The following CARNMT1 variants were observed in gnomAD, a reference collection of about 807,000 sequenced individuals.
CARNMT1 encodes carnosine N-methyltransferase 1, also known as protein-L-histidine N-pros-methyltransferase CARNMT1.
Under a neutral mutation model 49.6 loss-of-function variants are expected in CARNMT1, and 28 were observed. The observed-to-expected ratio is 0.56, with a 90% CI of 0.42 to 0.77. The LOEUF is 0.77. CARNMT1 is among the 30% of genes least tolerant of loss of function. The pLI is 0.00. For missense variants in CARNMT1, 421 were observed against 512.6 expected (o/e 0.82, Z 1.73); for synonymous variants, 178 against 175.0 (o/e 1.02, Z -0.13).
At chr9:74,990,143 C>T (rs137928223) in intron 6 of CARNMT1, among the ~76,000 whole-genome samples, 11 of 152,182 alleles carry the variant, frequency 7.2e-5, no homozygotes, top group African/African-American at 2.4e-4. Context: ...GGGATCCCCC[C>T]GCAAAGCTGA....
chr9:75,001,276 G>A (rs1833345123), intron 3 of CARNMT1, among the ~76,000 whole-genome samples: 1 of 152,124 alleles, frequency 6.6e-6, no homozygotes, highest in African/African-American at 2.4e-5. Context: ...CCATGCAGGA[G>A]TTAGAAATTA....
At position 75,017,434 on chromosome 9, in the gene CARNMT1, T is replaced by C. The variant is rs1192291601; in HGVS notation, c.245A>G (p.Glu82Gly). The change falls in exon 2 of 8, where the codon GAG becomes GGG. Residue 82 changes from glutamate (E) to glycine (G), a missense_variant. This residue lies in a region of CARNMT1 where 186 missense variants were observed against 167.9 expected (regional missense o/e 1.11). Transcript: ENST00000376834. ...CTGTCTTTCTGTTCGGTTCACCCGCTCATGCATACTGGTGCTAAAACATAA... is the reference window on the plus strand; with the variant it reads ...CTGTCTTTCTGTTCGGTTCACCCGCCCATGCATACTGGTGCTAAAACATAA... ...AFRYYGTSMH[E>G]RVNRTERQFR... is the part of the protein sequence containing the mutation. 14 of 1,613,794 alleles carry C rather than the reference T, an allele frequency of 8.7e-6. 1 individual carries two copies. The highest frequency in any genetic ancestry group is 1.1e-5 in the Non-Finnish European group (13 of 1,179,878).
chr9:75,016,644 A>G, intron 2 of CARNMT1: 1 of 515,552 alleles, frequency 1.9e-6, no homozygotes, highest in South Asian at 2.9e-5. Flanking sequence ...TCCATTAATC[A>G]TAAAACCACC....
At chr9:74,994,116 T>TGCTCTCATTCAC (rs1833117466) in intron 6 of CARNMT1, among the ~76,000 whole-genome samples, 1 of 152,186 alleles carries the variant, frequency 6.6e-6, no homozygotes, top group East Asian at 1.9e-4. Context: ...AGCTCACTCA[T>TGCTCTCATTCAC]GCTCTCATTC....
At chr9:74,984,524 A>G (rs1440656421) in intron 7 of CARNMT1, among the ~76,000 whole-genome samples, 1 of 152,224 alleles carries the variant, frequency 6.6e-6, no homozygotes, top group African/African-American at 2.4e-5. Context: ...AAATGTTTTG[A>G]GCGCCTACAT....
rs781115869 is a variant in CARNMT1, at chr9:74,998,747, T to A, written c.761A>T (p.Tyr254Phe). The A allele has an allele frequency of 2.4e-5, 37 of 1,559,340 alleles. No homozygotes were observed. Among genetic ancestry groups the A allele is most frequent in the Non-Finnish European group, 3.2e-5 (37 of 1,151,898 alleles). The change falls in exon 5 of 8, where the codon TAT becomes TTT. Residue 254 changes from tyrosine (Y) to phenylalanine (F), a missense_variant. By Grantham distance (22) the Tyr-to-Phe change is conservative (BLOSUM62 3). Transcript: ENST00000376834. The stretch of plus-strand genomic sequence containing the variant: ...ATTGCTAAACTGATGGATCCAAGGA[T>A]AAAGTTTATATTTATTAATTTCAGA... ...RCSEINKYKL[Y>F]PWIHQFSNNR...
chr9:75,009,401 A>AT (rs946517677), intron 3 of CARNMT1, among the ~76,000 whole-genome samples: 10 of 149,028 alleles, frequency 6.7e-5, no homozygotes, highest in Non-Finnish European at 1.3e-4. Context: ...CAACCCAAGT[A>AT]TTTTTTTTTT....
chr9:75,016,602 G>C, intron 2 of CARNMT1, 171 bp from the exon 3 acceptor site: 1 of 593,692 alleles, frequency 1.7e-6, no homozygotes, highest in East Asian at 2.8e-5. Context: ...AAAGAGTTTG[G>C]TGGTCTCACT....
intron 6 of CARNMT1, among the ~76,000 whole-genome samples, chr9:74,992,296 T>G (rs1833049973): frequency 6.6e-6 from 1 of 151,864 alleles, no homozygotes; most frequent in Admixed American, 6.6e-5. Context: ...AAAAAAATTC[T>G]GTAGCTTCAT....
At chr9:75,008,557 C>T (rs1459461474) in intron 3 of CARNMT1, among the ~76,000 whole-genome samples, 2 of 152,158 alleles carry the variant, frequency 1.3e-5, no homozygotes, top group African/African-American at 4.8e-5. Flanking sequence ...CCACCTGCCT[C>T]GGCCCCCCAA....
Position 74,983,739 on chromosome 9 carries a change from T to G in CARNMT1, c.*28A>C. The G allele has an allele frequency of 7.0e-7, 1 of 1,422,612 alleles. No homozygotes were observed. Among genetic ancestry groups the G allele is most frequent in the South Asian group, 1.3e-5 (1 of 77,606 alleles). 88.1% of individuals were successfully genotyped at this position (1,422,612 alleles called of 1,614,324 possible). On this transcript the variant is annotated 3_prime_UTR_variant, in exon 8 of 8. Coordinates refer to ENST00000376834, the MANE Select transcript of CARNMT1 (RefSeq NM_152420.3). ...TTTCAGCATTTGTTCTTACTAAACT[T>G]TTTTCCAGGTGGTATCACTTGAGAC...
intron 1 of CARNMT1, among the ~76,000 whole-genome samples, chr9:75,023,797 G>C (rs1024847357): frequency 6.6e-6 from 1 of 152,208 alleles, no homozygotes; most frequent in African/African-American, 2.4e-5. Context: ...CCATTCAAGG[G>C]CAGAGTTGAT....
intron 6 of CARNMT1, 122 bp from the exon 7 acceptor site, chr9:74,985,132 T>C: frequency 1.4e-6 from 1 of 717,406 alleles, no homozygotes; most frequent in South Asian, 1.9e-5. Context: ...GTCTGGGCAT[T>C]TGCTGAAAAT....
At chr9:75,018,657 G>A (rs1265574510) in intron 1 of CARNMT1, among the ~76,000 whole-genome samples, 1 of 152,084 alleles carries the variant, frequency 6.6e-6, no homozygotes, top group African/African-American at 2.4e-5. Context: ...AACAATCTTT[G>A]TCATAGCACT....
chr9:75,004,646 C>A (rs896269287), intron 3 of CARNMT1, among the ~76,000 whole-genome samples: 12 of 152,082 alleles, frequency 7.9e-5, no homozygotes, highest in African/African-American at 2.9e-4. Flanking sequence ...CTAAAAGAAT[C>A]TTTTCATGAA....
At chr9:74,997,668 C>T (rs1833227518) in intron 5 of CARNMT1, among the ~76,000 whole-genome samples, 1 of 152,032 alleles carries the variant, frequency 6.6e-6, no homozygotes, top group African/African-American at 2.4e-5. Flanking sequence ...TCAAGGTTCT[C>T]TACTAGACAT....
Position 75,007,732 on chromosome 9 carries a change from AAAATAAAAATAAT to A in CARNMT1, c.591-7875_591-7863del, listed in dbSNP as rs1388069867. The stretch of plus-strand genomic sequence containing the variant: ...TGACAGAGCGAGACCCTGTCTCAAA[AAAATAAAAATAAT>A]AAAAAAAAAAAAACTAAGAAAATTC... On this transcript the variant is annotated intron_variant, in intron 3 of 7. Transcript: ENST00000376834. Among the ~76,000 whole-genome samples the A allele has an allele frequency of 2.8e-5, 4 of 143,108 alleles. 1 individual carries two copies. The highest frequency in any genetic ancestry group is 6.1e-5 in the Non-Finnish European group (4 of 65,418). The allele number at this position is 143,108 out of a possible 152,430, so 93.9% of individuals were successfully genotyped here.
At chr9:75,002,902 A>G (rs183637435) in intron 3 of CARNMT1, among the ~76,000 whole-genome samples, 26 of 151,990 alleles carry the variant, frequency 1.7e-4, no homozygotes, top group African/African-American at 6.3e-4. Context: ...CACCATGCTC[A>G]GCTAATTTTT....
At chr9:75,015,735 A>C (rs1408127826) in intron 3 of CARNMT1, 1 of 151,750 alleles carries the variant, frequency 6.6e-6, no homozygotes, top group Non-Finnish European at 1.5e-5. Context: ...GCAGTGAACC[A>C]AGACCACACC....
Sources: gnomAD v4.1 joint callset for allele counts (sites outside exome capture counted in the v4.1 genomes callset) on GRCh38, gnomAD v4.1.1 for gene constraint, gnomAD v4.1.1 regional missense constraint, MANE v1.5 for transcripts, NCBI Gene and HGNC (gene_info 2026-07-23, HGNC 2026-07-21) for gene names.